Variants in SUPT3H observed in about 807,000 individuals in gnomAD.
The protein encoded by SUPT3H is SPT3 homolog, SAGA and STAGA complex component, also known as transcription initiation protein SPT3 homolog.
SUPT3H carries 44 observed loss-of-function variants against 44.3 expected under a neutral mutation model. That is an observed-to-expected ratio of 0.99 (90% CI 0.78 to 1.28). SUPT3H has a LOEUF of 1.28. SUPT3H is among the 50% of genes most tolerant of loss of function. The probability of loss-of-function intolerance (pLI) is 0.00; values close to 1 mark genes in which losing one functional copy is unlikely to be tolerated. For missense variants in SUPT3H, 380 were observed against 387.1 expected, an observed-to-expected ratio of 0.98 and a Z score of 0.15; for synonymous variants, 124 against 125.6, an observed-to-expected ratio of 0.99 and a Z score of 0.09.
At chr6:45,171,773 A>T (rs1365790650) in intron 2 of SUPT3H, among the ~76,000 whole-genome samples, 2 of 119,188 alleles carry the variant, frequency 1.7e-5, no homozygotes, top group Non-Finnish European at 3.2e-5. Flanking sequence ...GCTGGAGTGC[A>T]GTGGTGTGAT....
At chr6:44,809,120 CAGAT>C (rs972851399), downstream of SUPT3H, among the ~76,000 whole-genome samples, 9 of 152,204 alleles carry the variant, frequency 5.9e-5, no homozygotes, top group East Asian at 1.9e-4. Flanking sequence ...ACTTAAAAAA[CAGAT>C]AGAGCACTGA....
At chr6:44,921,334 G>A (rs1438772437) in intron 10 of SUPT3H, among the ~76,000 whole-genome samples, 1 of 152,168 alleles carries the variant, frequency 6.6e-6, no homozygotes, top group East Asian at 1.9e-4. Flanking sequence ...CATGTACTTT[G>A]GATTGTTTTT....
At chr6:44,958,673 CAG>C (rs1775563779) in intron 7 of SUPT3H, among the ~76,000 whole-genome samples, 1 of 151,990 alleles carries the variant, frequency 6.6e-6, no homozygotes, top group African/African-American at 2.4e-5. Context: ...CTACCAACAA[CAG>C]GGGCCAAAAG....
rs558562689 is a variant in SUPT3H, at chr6:45,091,646, G to A, written c.186+14276C>T. 6.6e-5 allele frequency among the ~76,000 whole-genome samples: 10 copies of A among 152,158 alleles called. No homozygotes were observed. The South Asian group carries it at 1.5e-3, about 22-fold the overall frequency. On this transcript the variant is annotated intron_variant, in intron 3 of 10. Coordinates refer to ENST00000371459, the MANE Select transcript of SUPT3H (RefSeq NM_003599.4). ...GAAGAGAGTATCTTCTAACTCTCTA[G>A]GTTTACTGGAAGTATTTAGTGAAAT...
chr6:45,106,446 G>T (rs1474921471), intron 2 of SUPT3H, among the ~76,000 whole-genome samples: 1 of 151,972 alleles, frequency 6.6e-6, no homozygotes, highest in Admixed American at 6.6e-5. Flanking sequence ...AAAGACAAAA[G>T]AAAATAAAAG....
rs778726953 is a variant in SUPT3H, at chr6:44,957,164, G to A, written c.581-2557C>T. Among the ~76,000 whole-genome samples the A allele has an allele frequency of 5.3e-5, 8 of 149,558 alleles. 1 individual carries two copies. The highest frequency in any genetic ancestry group is 3.9e-4 in the East Asian group (2 of 5,170). ...ATTCTTTTGATTAATCTGGCCCCAC[G>A]GGTCTATAAAACACTTAATAGTAAC... On this transcript the variant is annotated intron_variant, in intron 7 of 10. Transcript: ENST00000371459.
chr6:45,092,447 T>C (rs1298980581), intron 3 of SUPT3H, among the ~76,000 whole-genome samples: 1 of 152,090 alleles, frequency 6.6e-6, no homozygotes, highest in African/African-American at 2.4e-5. Context: ...TCTCTTTCCA[T>C]TTAATTAAAA....
intron 9 of SUPT3H, among the ~76,000 whole-genome samples, chr6:44,936,546 G>A (rs1410456134): frequency 6.6e-6 from 1 of 152,008 alleles, no homozygotes; most frequent in Non-Finnish European, 1.5e-5. Context: ...ACCTCTATGT[G>A]TACACATTAT....
At chr6:45,352,835 C>G (rs1792339781) in intron 2 of SUPT3H, among the ~76,000 whole-genome samples, 1 of 151,942 alleles carries the variant, frequency 6.6e-6, no homozygotes, top group African/African-American at 2.4e-5. Context: ...ATATATAATT[C>G]TATTAGTCAG....
At chr6:44,913,558 G>T (rs1489994676) in intron 10 of SUPT3H, among the ~76,000 whole-genome samples, 1 of 152,154 alleles carries the variant, frequency 6.6e-6, no homozygotes, top group Non-Finnish European at 1.5e-5. Flanking sequence ...TGTTATCCAA[G>T]AAGAGAACAT....
chr6:45,024,951 C>G (rs1040909528), intron 3 of SUPT3H, among the ~76,000 whole-genome samples: 2 of 151,886 alleles, frequency 1.3e-5, no homozygotes, highest in Non-Finnish European at 2.9e-5. Flanking sequence ...AGGCTGCTGG[C>G]TTTCATACTG....
chr6:45,285,412 A>G (rs565096981), intron 2 of SUPT3H, among the ~76,000 whole-genome samples: 100 of 152,234 alleles, frequency 6.6e-4, no homozygotes, highest in Non-Finnish European at 1.1e-3. Context: ...ATACAAAATC[A>G]ATGTGCAAAA....
chr6:45,044,806 C>A (rs1204287543), intron 3 of SUPT3H, among the ~76,000 whole-genome samples: 2 of 152,072 alleles, frequency 1.3e-5, no homozygotes, highest in Non-Finnish European at 2.9e-5. Flanking sequence ...GATGGGATCT[C>A]TTCCAGTTTT....
At chr6:45,365,077 A>G in intron 2 of SUPT3H, 124 bp downstream of exon 2, 1 of 669,660 alleles carries the variant, frequency 1.5e-6, no homozygotes, top group Non-Finnish European at 2.3e-6. Flanking sequence ...ACAGTATTTC[A>G]TTTTTACTTG....
intron 2 of SUPT3H, among the ~76,000 whole-genome samples, chr6:45,295,543 A>AC (rs1304829268): frequency 6.7e-6 from 1 of 149,138 alleles, no homozygotes; most frequent in African/African-American, 2.5e-5. Flanking sequence ...AAAAAAAAAA[A>AC]AAAAAAAAAA....
chr6:45,068,940 T>TA (rs1793907152), intron 3 of SUPT3H, among the ~76,000 whole-genome samples: 1 of 140,790 alleles, frequency 7.1e-6, no homozygotes. Flanking sequence ...AACATTCTAT[T>TA]AAAAAACAAA....
intron 2 of SUPT3H, among the ~76,000 whole-genome samples, chr6:45,129,957 T>A (rs1803171556): frequency 6.6e-6 from 1 of 152,206 alleles, no homozygotes; most frequent in East Asian, 1.9e-4. Context: ...TAAAAGCCAC[T>A]TGCGAACTGG....
At chr6:45,060,751 G>T (rs1791872152) in intron 3 of SUPT3H, among the ~76,000 whole-genome samples, 1 of 151,884 alleles carries the variant, frequency 6.6e-6, no homozygotes, top group African/African-American at 2.4e-5. Context: ...AAATTTACAA[G>T]AAAAAAATAC....
chr6:45,096,885 A>C lies in SUPT3H; in HGVS notation c.186+9037T>G, dbSNP rs756002288. Among the ~76,000 whole-genome samples, 3 of 152,178 alleles carry C rather than the reference A, an allele frequency of 2.0e-5. No homozygotes were observed. The East Asian group carries it at 5.8e-4, about 29-fold the overall frequency. ...TCACCTACTTCGAGGTGCTATATTCAATCTTGATATATATCTATCAGGAGA... is the reference window on the plus strand; with the variant it reads ...TCACCTACTTCGAGGTGCTATATTCCATCTTGATATATATCTATCAGGAGA... On this transcript the variant is annotated intron_variant, in intron 3 of 10. Coordinates refer to ENST00000371459, the MANE Select transcript of SUPT3H (RefSeq NM_003599.4).
Sources: gnomAD v4.1 joint callset for allele counts (sites outside exome capture counted in the v4.1 genomes callset) on GRCh38, gnomAD v4.1.1 for gene constraint, MANE v1.5 for transcripts, NCBI Gene and HGNC (gene_info 2026-07-23, HGNC 2026-07-21) for gene names.